The following CDH18 variants were observed in gnomAD, a reference collection of about 807,000 sequenced individuals.
CDH18 encodes cadherin-18.
In CDH18, 31 loss-of-function variants were observed where a neutral mutation model predicts 67.9. The observed-to-expected ratio is 0.46, with a 90% CI of 0.34 to 0.62. CDH18 has a LOEUF of 0.62. Among genes scored for constraint, CDH18 ranks in the 20% least tolerant of loss-of-function variants. The probability of loss-of-function intolerance (pLI) is 0.01; values close to 1 mark genes in which losing one functional copy is unlikely to be tolerated. For missense variants in CDH18, 890 were observed against 975.5 expected (o/e 0.91, Z 1.17); for synonymous variants, 362 against 347.2 (o/e 1.04, Z -0.48).
At chr5:19,562,283 C>G (rs72737462) in intron 8 of CDH18, among the ~76,000 whole-genome samples, 1,892 of 152,216 alleles carry the variant, frequency 0.012, 22 homozygotes, top group South Asian at 0.034. Flanking sequence ...CATTCAAACT[C>G]TTAATAATTT....
chr5:20,004,835 T>C (rs2150406410), intron 2 of CDH18, among the ~76,000 whole-genome samples: 1 of 152,260 alleles, frequency 6.6e-6, no homozygotes, highest in African/African-American at 2.4e-5. Context: ...GTGTGTCAAA[T>C]TCCACTATCT....
chr5:20,250,982 CT>C lies in CDH18; in HGVS notation c.-518+4461del, dbSNP rs553738256. On this transcript the variant is annotated intron_variant, in intron 2 of 14. Transcript: ENST00000507958. ...CTTCCCCTTTACATTGCATGTAACT[CT>C]GTTAATTTGACTTAAAGCCATGGAA... Among the ~76,000 whole-genome samples the C allele has an allele frequency of 1.4e-3, 219 of 152,230 alleles. 1 individual carries two copies. The highest frequency in any genetic ancestry group is 5.1e-3 in the African/African-American group (210 of 41,526).
chr5:19,475,629 C>T (rs950215311), intron 12 of CDH18, among the ~76,000 whole-genome samples: 1 of 151,890 alleles, frequency 6.6e-6, no homozygotes, highest in Non-Finnish European at 1.5e-5. Flanking sequence ...AAATATTGTG[C>T]TAAGCATACA....
At chr5:19,969,215 G>C (rs1024165652) in intron 2 of CDH18, among the ~76,000 whole-genome samples, 2 of 147,496 alleles carry the variant, frequency 1.4e-5, no homozygotes, top group Non-Finnish European at 2.9e-5. Context: ...AGAGGATGTG[G>C]AGAAATAGGA....
chr5:20,456,423 T>G (rs922540499), intron 1 of CDH18, among the ~76,000 whole-genome samples: 55 of 152,268 alleles, frequency 3.6e-4, no homozygotes, highest in African/African-American at 1.3e-3. Flanking sequence ...TATTTATTTA[T>G]TTTCATGCTT....
At chr5:19,520,265 T>C (rs1247687010) in intron 10 of CDH18, among the ~76,000 whole-genome samples, 2 of 152,120 alleles carry the variant, frequency 1.3e-5, no homozygotes, top group African/African-American at 4.8e-5. Context: ...TCAATCATCA[T>C]TCCTGTGTCA....
intron 11 of CDH18, among the ~76,000 whole-genome samples, chr5:19,485,224 G>C (rs1290590603): frequency 6.7e-6 from 1 of 149,914 alleles, no homozygotes; most frequent in African/African-American, 2.4e-5. Flanking sequence ...CCTAGTGAAA[G>C]AAGAATTTTT....
At chr5:20,207,745 C>A (rs1009869101) in intron 2 of CDH18, among the ~76,000 whole-genome samples, 1 of 151,972 alleles carries the variant, frequency 6.6e-6, no homozygotes, top group Admixed American at 6.6e-5. Flanking sequence ...GACACAGAGC[C>A]AAACCATATC....
chr5:20,393,984 C>T (rs1745082490), intron 1 of CDH18, among the ~76,000 whole-genome samples: 1 of 151,918 alleles, frequency 6.6e-6, no homozygotes, highest in Admixed American at 6.6e-5. Flanking sequence ...ACCATACTGC[C>T]CAAAGCAGAT....
At chr5:19,691,792 A>G (rs1202973288) in intron 5 of CDH18, among the ~76,000 whole-genome samples, 5 of 151,892 alleles carry the variant, frequency 3.3e-5, no homozygotes, top group Non-Finnish European at 7.4e-5. Flanking sequence ...TGTTGAAATG[A>G]CCATATTACT....
chr5:19,864,092 G>A (rs535884091), intron 2 of CDH18, among the ~76,000 whole-genome samples: 6 of 150,514 alleles, frequency 4.0e-5, no homozygotes, highest in Middle Eastern at 3.4e-3. Context: ...TGTTTATTGC[G>A]GCACTATTCA....
chr5:19,781,948 T>C (rs928526454), intron 3 of CDH18, among the ~76,000 whole-genome samples: 1 of 152,202 alleles, frequency 6.6e-6, no homozygotes, highest in Non-Finnish European at 1.5e-5. Flanking sequence ...CCTTTGGCTT[T>C]ATAATCATTT....
At chr5:19,571,527 G>A (rs1741386027) in intron 8 of CDH18, 52 bp downstream of exon 8, 5 of 1,515,954 alleles carry the variant, frequency 3.3e-6, no homozygotes, top group Non-Finnish European at 2.7e-6. Flanking sequence ...TTTAATTAAT[G>A]TGAGAGGCAA....
chr5:20,458,230 G>T (rs761368922), intron 1 of CDH18, among the ~76,000 whole-genome samples: 3 of 152,074 alleles, frequency 2.0e-5, no homozygotes, highest in Non-Finnish European at 4.4e-5. Flanking sequence ...TGATATTCTC[G>T]ACTCAGAATC....
At chr5:20,469,278 C>A (rs907951551) in intron 1 of CDH18, among the ~76,000 whole-genome samples, 6 of 152,136 alleles carry the variant, frequency 3.9e-5, no homozygotes, top group Non-Finnish European at 7.3e-5. Context: ...TCTGGGTAAA[C>A]TCATTTATTC....
intron 3 of CDH18, among the ~76,000 whole-genome samples, chr5:19,811,360 C>G (rs1044870299): frequency 2.6e-5 from 4 of 152,010 alleles, no homozygotes; most frequent in African/African-American, 7.2e-5. Context: ...AATCCAACAT[C>G]AGTGATGTTC....
intron 1 of CDH18, among the ~76,000 whole-genome samples, chr5:20,426,635 C>T (rs1231609793): frequency 1.3e-5 from 2 of 150,868 alleles, no homozygotes; most frequent in Admixed American, 1.3e-4. Context: ...GTAAATTAGC[C>T]CGTCAGAGTC....
intron 1 of CDH18, among the ~76,000 whole-genome samples, chr5:20,557,457 T>C (rs1240896865): frequency 6.6e-6 from 1 of 152,016 alleles, no homozygotes; most frequent in Admixed American, 6.6e-5. Flanking sequence ...ATGTGATAAA[T>C]AATCCAGCAT....
chr5:19,679,540 T>G (rs1477477569), intron 5 of CDH18, among the ~76,000 whole-genome samples: 1 of 152,016 alleles, frequency 6.6e-6, no homozygotes, highest in Non-Finnish European at 1.5e-5. Flanking sequence ...GATATGATTC[T>G]ATACCTAAAA....
Sources: gnomAD v4.1 joint callset for allele counts (sites outside exome capture counted in the v4.1 genomes callset) on GRCh38, gnomAD v4.1.1 for gene constraint, MANE v1.5 for transcripts, NCBI Gene and HGNC (gene_info 2026-07-23, HGNC 2026-07-21) for gene names.